WIPF2: variants seen among roughly 807,000 people sequenced by gnomAD.
WIPF2 encodes the protein WAS/WASL interacting protein family member 2, also known as WAS/WASL-interacting protein family member 2.
A neutral mutation model predicts 38.8 loss-of-function variants in WIPF2; 23 were observed. The ratio of observed to expected loss-of-function variants is 0.59; its 90% CI spans 0.43 to 0.84. The LOEUF is 0.84. Ranked by LOEUF, WIPF2 falls within the 40% of genes least tolerant of loss-of-function variation. The probability of loss-of-function intolerance (pLI) is 0.00; values close to 1 mark genes in which losing one functional copy is unlikely to be tolerated. For missense variants in WIPF2, 574 were observed against 580.5 expected (o/e 0.99, Z 0.11); for synonymous variants, 210 against 223.2 (o/e 0.94, Z 0.53).
chr17:40,252,087 C>G (rs1209488855), intron 1 of WIPF2, among the ~76,000 whole-genome samples: 1 of 152,154 alleles, frequency 6.6e-6, no homozygotes, highest in Admixed American at 6.6e-5. Context: ...ACTGATGAAT[C>G]TGTTTTTCAA....
intron 1 of WIPF2, among the ~76,000 whole-genome samples, chr17:40,234,975 G>C (rs2030902923): frequency 6.6e-6 from 1 of 151,548 alleles, no homozygotes; most frequent in Non-Finnish European, 1.5e-5. Flanking sequence ...GGAGTGCAGA[G>C]TGGCGCGATC....
intron 1 of WIPF2, among the ~76,000 whole-genome samples, chr17:40,232,559 G>A (rs1280832622): frequency 6.6e-6 from 1 of 151,696 alleles, no homozygotes; most frequent in African/African-American, 2.4e-5. Flanking sequence ...CTGAGCTCAA[G>A]TGATCCACCT....
At chr17:40,247,783 A>G (rs1162645071) in intron 1 of WIPF2, among the ~76,000 whole-genome samples, 4 of 152,094 alleles carry the variant, frequency 2.6e-5, no homozygotes, top group Admixed American at 1.3e-4. Context: ...TGGCCTCTCA[A>G]ATGCTGGGAT....
chr17:40,271,036 G>C (rs566916585), intron 5 of WIPF2, among the ~76,000 whole-genome samples: 5 of 152,124 alleles, frequency 3.3e-5, no homozygotes, highest in Non-Finnish European at 7.4e-5. Context: ...GCAGTGGCGC[G>C]ATGTTGGCTT....
At chr17:40,244,728 C>T (rs549148434) in intron 1 of WIPF2, among the ~76,000 whole-genome samples, 24 of 152,234 alleles carry the variant, frequency 1.6e-4, no homozygotes, top group African/African-American at 5.8e-4. Flanking sequence ...TCACTCTGTT[C>T]TAGCTATCCT....
At chr17:40,276,001 C>T (rs373036650) in intron 6 of WIPF2, among the ~76,000 whole-genome samples, 18 of 152,234 alleles carry the variant, frequency 1.2e-4, no homozygotes, top group East Asian at 5.8e-4. Context: ...GTGATCAAGC[C>T]GCACTTACAG....
chr17:40,264,447 T>C, intron 4 of WIPF2, 43 bp from the exon 5 acceptor site: 1 of 1,592,702 alleles, frequency 6.3e-7, no homozygotes, highest in Non-Finnish European at 8.6e-7. Context: ...CTGACCAATA[T>C]CTGTCCAGCT....
chr17:40,239,140 C>T (rs572788662), intron 1 of WIPF2, among the ~76,000 whole-genome samples: 55 of 151,342 alleles, frequency 3.6e-4, no homozygotes, highest in Non-Finnish European at 4.3e-4. Flanking sequence ...GGTGCGATCT[C>T]GGCTCACTGC....
intron 3 of WIPF2, among the ~76,000 whole-genome samples, chr17:40,262,161 G>A (rs1358906869): frequency 1.4e-5 from 2 of 147,464 alleles, no homozygotes; most frequent in African/African-American, 2.5e-5. Context: ...GTTCACTGCA[G>A]CCTCGACCTC....
At chr17:40,243,936 A>T (rs553004091) in intron 1 of WIPF2, among the ~76,000 whole-genome samples, 5 of 152,088 alleles carry the variant, frequency 3.3e-5, no homozygotes, top group South Asian at 2.1e-4. Flanking sequence ...TAGTTGAAAA[A>T]TTTTTTTCCC....
chr17:40,226,189 TA>T (rs1187842305), intron 1 of WIPF2, among the ~76,000 whole-genome samples: 3,135 of 121,450 alleles, frequency 0.026, 87 homozygotes, highest in African/African-American at 0.062. Flanking sequence ...GGATAGTTGG[TA>T]AAAAAAAAAA....
intron 2 of WIPF2, among the ~76,000 whole-genome samples, chr17:40,258,203 G>A (rs1242887726): frequency 6.6e-6 from 1 of 150,940 alleles, no homozygotes. Context: ...TTTGAGACCA[G>A]CCTGGCCAAC....
At chr17:40,242,127 C>T (rs2031210707) in intron 1 of WIPF2, among the ~76,000 whole-genome samples, 1 of 152,150 alleles carries the variant, frequency 6.6e-6, no homozygotes, top group African/African-American at 2.4e-5. Flanking sequence ...TCCATTGAAA[C>T]AGTTTTTTGG....
At chr17:40,265,834 T>C (rs1347354838) in intron 5 of WIPF2, among the ~76,000 whole-genome samples, 1 of 152,158 alleles carries the variant, frequency 6.6e-6, no homozygotes, top group East Asian at 1.9e-4. Flanking sequence ...TTAACTCCTA[T>C]GTTGAGAACA....
chr17:40,271,736 A>G (rs910259317), intron 5 of WIPF2, among the ~76,000 whole-genome samples: 3 of 152,206 alleles, frequency 2.0e-5, no homozygotes, highest in East Asian at 1.9e-4. Flanking sequence ...ATAATATTAC[A>G]TACTTCGCAT....
rs199746582 is a variant in WIPF2, at chr17:40,260,542, C to A, written c.71C>A (p.Thr24Lys). ...PPPPTFHQAN[T>K]EQPKLSRDEQ... ...ATTTCTCTTATCCTCCAGGCAAACA[C>A]AGAGCAGCCCAAGCTGAGTAGAGAT... Residue 24 changes from threonine (T) to lysine (K), a missense_variant, in exon 3 of 8, where the codon ACA becomes AAA. Thr to Lys is a moderately conservative substitution (Grantham distance 78, BLOSUM62 -1). Coordinates refer to ENST00000323571, the MANE Select transcript of WIPF2 (RefSeq NM_133264.5). The A allele has an allele frequency of 3.7e-5, 60 of 1,613,698 alleles. 1 individual carries two copies. The South Asian group carries it at 5.8e-4, about 16-fold the overall frequency.
intron 1 of WIPF2, among the ~76,000 whole-genome samples, chr17:40,222,397 C>T (rs1030290070): frequency 6.6e-6 from 1 of 150,880 alleles, no homozygotes; most frequent in Non-Finnish European, 1.5e-5. Context: ...CTGGCTCATG[C>T]CTATAATCCC....
rs1567725403 is a variant in WIPF2, at chr17:40,273,857, C to T, written c.1038C>T (p.Tyr346=). ...ARDAPPPPPP[Y]RMHGSEPPSR... ...ATGCTCCCCCTCCCCCACCACCATA[C>T]CGAATGCATGGGTCAGAACCCCCGA... Residue 346 remains tyrosine (Y), a synonymous_variant, in exon 6 of 8, where the codon TAC becomes TAT. Coordinates refer to ENST00000323571, the MANE Select transcript of WIPF2 (RefSeq NM_133264.5). 3.2e-6 allele frequency: 5 copies of T among 1,566,502 alleles called. No homozygotes were observed. Among genetic ancestry groups the T allele is most frequent in the Non-Finnish European group, 4.4e-6 (5 of 1,144,774 alleles).
rs944667286 is a variant in WIPF2 at position 40,282,413 on chromosome 17, A to G, written c.*4188A>G. 3.9e-5 allele frequency: 6 copies of G among 152,254 alleles called. No individual in the cohort carries two copies. Among genetic ancestry groups the G allele is most frequent in the African/African-American group, 1.4e-4 (6 of 41,464 alleles). The allele number at this position is 152,254 out of a possible 1,614,324, so 9.4% of individuals were successfully genotyped here. The stretch of plus-strand genomic sequence containing the variant: ...TCATGGTGCCCTCCATGGAAGTCAC[A>G]GTCAACACTGAATAAATGACTAGAA... On this transcript the variant is annotated 3_prime_UTR_variant, in exon 8 of 8. Transcript: ENST00000323571.
Sources: allele counts gnomAD v4.1 joint callset (sites outside exome capture counted in the v4.1 genomes callset), GRCh38; gene constraint gnomAD v4.1.1; transcripts MANE v1.5; gene names NCBI Gene and HGNC (gene_info 2026-07-23, HGNC 2026-07-21).